The following UCK2 variants were observed in gnomAD, a reference collection of about 807,000 sequenced individuals.
UCK2 encodes cytidine monophosphokinase 2.
A neutral mutation model predicts 30.8 loss-of-function variants in UCK2; 6 were observed. The observed-to-expected ratio is 0.19, with a 90% confidence interval of 0.11 to 0.38. UCK2 has a LOEUF of 0.38. Among genes scored for constraint, UCK2 ranks in the 10% least tolerant of loss-of-function variants. The pLI, the probability that UCK2 is intolerant of heterozygous loss-of-function variation, is 1.00. For missense variants in UCK2, 210 were observed against 339.8 expected (o/e 0.62, Z 3.00); for synonymous variants, 125 against 133.6 (o/e 0.94, Z 0.45).
chr1:165,852,408 A>T (rs1370535699), intron 1 of UCK2, among the ~76,000 whole-genome samples: 1 of 152,224 alleles, frequency 6.6e-6, no homozygotes, highest in Non-Finnish European at 1.5e-5. Flanking sequence ...TGGAGAAAGG[A>T]TATGAACAGA....
chr1:165,904,416 G>T (rs1170082354), intron 5 of UCK2, among the ~76,000 whole-genome samples: 2 of 152,162 alleles, frequency 1.3e-5, no homozygotes, highest in African/African-American at 2.4e-5. Flanking sequence ...AGAGACCAGA[G>T]GGGGCTGAGG....
chr1:165,854,894 A>G (rs1654691827), intron 1 of UCK2, among the ~76,000 whole-genome samples: 1 of 152,176 alleles, frequency 6.6e-6, no homozygotes. Context: ...ACAGAACCCT[A>G]CTGTAGGAGA....
At chr1:165,906,439 CAGT>C (rs1647662616) in intron 6 of UCK2, among the ~76,000 whole-genome samples, 1 of 152,194 alleles carries the variant, frequency 6.6e-6, no homozygotes, top group Admixed American at 6.5e-5. Context: ...GATGGAAGTG[CAGT>C]AGCACAGTCA....
intron 1 of UCK2, among the ~76,000 whole-genome samples, chr1:165,842,987 G>T (rs763472994): frequency 1.3e-5 from 2 of 152,158 alleles, no homozygotes; most frequent in Non-Finnish European, 2.9e-5. Context: ...CTTTTGTGTG[G>T]TCACTTTTAC....
At chr1:165,895,107 T>C (rs1004463369) in intron 3 of UCK2, among the ~76,000 whole-genome samples, 4 of 152,226 alleles carry the variant, frequency 2.6e-5, no homozygotes, top group Non-Finnish European at 4.4e-5. Flanking sequence ...TGTTTCACCC[T>C]TCTTGCTTTT....
intron 1 of UCK2, among the ~76,000 whole-genome samples, chr1:165,872,898 G>A (rs1396544745): frequency 2.6e-5 from 4 of 152,180 alleles, no homozygotes; most frequent in South Asian, 2.1e-4. Context: ...TCAGCAATCC[G>A]GCTGGGAGAT....
chr1:165,882,496 C>A (rs1655522761), intron 1 of UCK2, among the ~76,000 whole-genome samples: 1 of 152,204 alleles, frequency 6.6e-6, no homozygotes, highest in Non-Finnish European at 1.5e-5. Flanking sequence ...AAATACCTGA[C>A]ACTGTGTGAT....
At chr1:165,863,382 A>G (rs931234072) in intron 1 of UCK2, among the ~76,000 whole-genome samples, 1 of 152,130 alleles carries the variant, frequency 6.6e-6, no homozygotes, top group Admixed American at 6.5e-5. Flanking sequence ...GTTCTTTTTT[A>G]CTTCAGTTTT....
chr1:165,856,830 A>T (rs745837742), intron 1 of UCK2, among the ~76,000 whole-genome samples: 8 of 151,942 alleles, frequency 5.3e-5, no homozygotes, highest in Non-Finnish European at 8.8e-5. Context: ...GCAGATGTCA[A>T]CTGGGACAAG....
chr1:165,850,581 A>G (rs572801935), intron 1 of UCK2, among the ~76,000 whole-genome samples: 1 of 151,026 alleles, frequency 6.6e-6, no homozygotes, highest in Non-Finnish European at 1.5e-5. Context: ...CTGGGACTAC[A>G]GGTGCACATG....
chr1:165,864,247 C>T (rs189165421), intron 1 of UCK2, among the ~76,000 whole-genome samples: 63 of 152,324 alleles, frequency 4.1e-4, no homozygotes, highest in African/African-American at 1.3e-3. Flanking sequence ...CGCGCCCAGC[C>T]GGGTCCTGCC....
chr1:165,842,378 C>T (rs999732334), intron 1 of UCK2, among the ~76,000 whole-genome samples: 1 of 152,182 alleles, frequency 6.6e-6, no homozygotes, highest in African/African-American at 2.4e-5. Context: ...ATTTCCACAT[C>T]ATGTTCTTCA....
At chr1:165,895,363 C>A in intron 3 of UCK2, 1 of 531,826 alleles carries the variant, frequency 1.9e-6, no homozygotes, top group Non-Finnish European at 2.4e-6. Flanking sequence ...GCAGTGAGTC[C>A]AAGATTGCGC....
intron 1 of UCK2, among the ~76,000 whole-genome samples, chr1:165,829,166 A>T (rs1653977319): frequency 6.6e-6 from 1 of 152,084 alleles, no homozygotes; most frequent in South Asian, 2.1e-4. Flanking sequence ...TTCTTTATTG[A>T]TGAAGTTGAT....
At chr1:165,837,898 A>G (rs1451948669) in intron 1 of UCK2, among the ~76,000 whole-genome samples, 2 of 152,156 alleles carry the variant, frequency 1.3e-5, no homozygotes, top group Non-Finnish European at 2.9e-5. Context: ...TGACAGCTTC[A>G]TCTTTCTAGT....
intron 1 of UCK2, among the ~76,000 whole-genome samples, chr1:165,844,864 T>G (rs73029460): frequency 0.054 from 8,253 of 152,240 alleles, 740 homozygotes; most frequent in African/African-American, 0.19. Context: ...CTTTGCACCC[T>G]TCCCACATGC....
intron 4 of UCK2, chr1:165,902,953 CAA>C (rs939495881): frequency 2.8e-6 from 1 of 360,278 alleles, no homozygotes; most frequent in African/African-American, 2.1e-5. Flanking sequence ...CCTTTTGTTT[CAA>C]AGAGCATTGT....
chr1:165,903,439 CT>C (rs1302136867), intron 5 of UCK2, among the ~76,000 whole-genome samples, 160 bp downstream of exon 5: 5 of 152,182 alleles, frequency 3.3e-5, no homozygotes, highest in African/African-American at 1.2e-4. Context: ...GCCCTTGGTC[CT>C]TGTGTCCTCT....
Position 165,860,485 on chromosome 1 carries a change from G to T in UCK2, c.100-29719G>T, listed in dbSNP as rs907692975. Among the ~76,000 whole-genome samples, 3 of 151,920 alleles carry T rather than the reference G, an allele frequency of 2.0e-5. No individual in the cohort carries two copies. The East Asian group carries it at 5.8e-4, about 29-fold the overall frequency. On this transcript the variant is annotated intron_variant, in intron 1 of 6. Transcript: ENST00000367879. ...ACTTTTTGAGACGGGCCTCACTCCA[G>T]TTGCCCAGGCGGGAGTGCAGTGGTG...
Sources: gnomAD v4.1 joint callset for allele counts (sites outside exome capture counted in the v4.1 genomes callset) on GRCh38, gnomAD v4.1.1 for gene constraint, MANE v1.5 for transcripts, NCBI Gene and HGNC (gene_info 2026-07-23, HGNC 2026-07-21) for gene names.